LMO7: variants seen among roughly 807,000 people sequenced by gnomAD.
The protein encoded by LMO7 is LIM domain only protein 7.
In LMO7, 120 loss-of-function variants were observed where a neutral mutation model predicts 206.5. The ratio of observed to expected loss-of-function variants is 0.58; its 90% CI spans 0.50 to 0.68. The LOEUF (loss-of-function observed/expected upper bound fraction) is 0.68, where lower values mean the gene tolerates loss of function less well. LMO7 is among the 30% of genes least tolerant of loss of function. The probability of loss-of-function intolerance (pLI) is 0.00; values close to 1 mark genes in which losing one functional copy is unlikely to be tolerated. For synonymous variants in LMO7, 706 were observed against 681.5 expected (o/e 1.04, Z -0.56); for missense variants, 1,959 against 1,957.9 (o/e 1.00, Z -0.01).
At chr13:75,739,712 GGTT>G (rs1442622775) in intron 3 of LMO7, among the ~76,000 whole-genome samples, 2 of 152,136 alleles carry the variant, frequency 1.3e-5, no homozygotes, top group Non-Finnish European at 2.9e-5. Flanking sequence ...TGACACATCG[GGTT>G]GTTCCTTTCC....
chr13:75,677,251 T>G (rs1385505723), intron 1 of LMO7, among the ~76,000 whole-genome samples: 2 of 152,228 alleles, frequency 1.3e-5, no homozygotes, highest in African/African-American at 4.8e-5. Flanking sequence ...AGTGGAGTTT[T>G]ATTTACTTTA....
At chr13:75,627,953 G>T (rs2034428631) in intron 2 of LMO7, 1 of 65,362 alleles carries the variant, frequency 1.5e-5, no homozygotes, top group African/African-American at 4.9e-5. Flanking sequence ...CCCTCTACTT[G>T]TTAAAAAAAA....
At chr13:75,828,251 A>G (rs1243195414) in intron 15 of LMO7, among the ~76,000 whole-genome samples, 1 of 152,216 alleles carries the variant, frequency 6.6e-6, no homozygotes, top group Admixed American at 6.5e-5. Flanking sequence ...AATTATCTCA[A>G]TAACTCTGCA....
intron 1 of LMO7, among the ~76,000 whole-genome samples, chr13:75,699,217 G>A (rs1566322726): frequency 1.3e-5 from 2 of 152,246 alleles, no homozygotes; most frequent in East Asian, 3.9e-4. Context: ...TGAAACTGAG[G>A]AAAGTACCAA....
intron 1 of LMO7, among the ~76,000 whole-genome samples, chr13:75,640,444 T>C (rs1448494353): frequency 6.6e-6 from 1 of 152,226 alleles, no homozygotes; most frequent in Non-Finnish European, 1.5e-5. Context: ...ATACTTGTTA[T>C]TCCTTGTAAC....
At chr13:75,741,739 T>C (rs1437302039) in intron 3 of LMO7, among the ~76,000 whole-genome samples, 1 of 152,142 alleles carries the variant, frequency 6.6e-6, no homozygotes, top group Non-Finnish European at 1.5e-5. Context: ...CTCAAAATAA[T>C]AAGAGCCATC....
chr13:75,705,614 A>G, intron 1 of LMO7, among the ~76,000 whole-genome samples: 1 of 152,252 alleles, frequency 6.6e-6, no homozygotes, highest in South Asian at 2.1e-4. Context: ...TCACAACAGC[A>G]TTACGTGAAA....
At chr13:75,850,390 A>G (rs1267601205) in intron 27 of LMO7, among the ~76,000 whole-genome samples, 1 of 152,146 alleles carries the variant, frequency 6.6e-6, no homozygotes, top group Non-Finnish European at 1.5e-5. Context: ...AGTTTCTAGC[A>G]CTCTATCTTC....
At chr13:75,709,856 G>T (rs1481458913) in intron 1 of LMO7, among the ~76,000 whole-genome samples, 2 of 152,032 alleles carry the variant, frequency 1.3e-5, no homozygotes, top group African/African-American at 4.8e-5. Context: ...TGGTGTTTTA[G>T]ACATGAAGTC....
At chr13:75,725,545 C>A (rs2044399591) in intron 2 of LMO7, among the ~76,000 whole-genome samples, 1 of 152,020 alleles carries the variant, frequency 6.6e-6, no homozygotes, top group African/African-American at 2.4e-5. Flanking sequence ...TAATAGGGAA[C>A]AACTAGAAGA....
intron 1 of LMO7, among the ~76,000 whole-genome samples, chr13:75,712,561 T>C (rs935811129): frequency 6.6e-6 from 1 of 152,198 alleles, no homozygotes; most frequent in Non-Finnish European, 1.5e-5. Flanking sequence ...ATTCCTTAAG[T>C]TGGGAATTGT....
chr13:75,697,314 A>T (rs2041976833), intron 1 of LMO7, among the ~76,000 whole-genome samples: 1 of 152,192 alleles, frequency 6.6e-6, no homozygotes, highest in Non-Finnish European at 1.5e-5. Context: ...TTTATAAAGG[A>T]AAGAGGTTTA....
intron 1 of LMO7, among the ~76,000 whole-genome samples, chr13:75,673,001 A>C (rs948467501): frequency 6.6e-6 from 1 of 151,920 alleles, no homozygotes; most frequent in African/African-American, 2.4e-5. Flanking sequence ...TTTTTCTTTT[A>C]TGATTTCTGG....
intron 4 of LMO7, among the ~76,000 whole-genome samples, chr13:75,776,816 G>T (rs750283736): frequency 5.3e-5 from 8 of 152,140 alleles, no homozygotes; most frequent in Non-Finnish European, 1.2e-4. Flanking sequence ...AGCCTCTCTA[G>T]GGACACTAGT....
intron 16 of LMO7, 118 bp downstream of exon 16, chr13:75,833,283 AC>A: frequency 1.5e-6 from 1 of 661,240 alleles, no homozygotes; most frequent in Non-Finnish European, 2.8e-6. Context: ...GAAAAATGCA[AC>A]CATAAGGCCA....
chr13:75,731,539 G>T (rs560030777), intron 3 of LMO7, among the ~76,000 whole-genome samples: 1 of 152,090 alleles, frequency 6.6e-6, no homozygotes, highest in South Asian at 2.1e-4. Flanking sequence ...ATGTGAGATG[G>T]GTTTCCTGAA....
intron 1 of LMO7, among the ~76,000 whole-genome samples, chr13:75,680,350 A>G (rs2040371035): frequency 6.6e-6 from 1 of 152,240 alleles, no homozygotes; most frequent in African/African-American, 2.4e-5. Context: ...ACAGTGCTGC[A>G]GTGAACATAT....
At chr13:75,828,541 T>C (rs2058344412) in intron 15 of LMO7, among the ~76,000 whole-genome samples, 2 of 152,176 alleles carry the variant, frequency 1.3e-5, no homozygotes, top group African/African-American at 4.8e-5. Flanking sequence ...TGAAACCATT[T>C]TGAGGAAAGG....
At chr13:75,649,207 A>G (rs1372245761) in intron 1 of LMO7, among the ~76,000 whole-genome samples, 3 of 152,192 alleles carry the variant, frequency 2.0e-5, no homozygotes, top group African/African-American at 7.2e-5. Flanking sequence ...TTTTTTAAAA[A>G]TGTCCCATCA....
Sources: gnomAD v4.1 joint callset for allele counts (sites outside exome capture counted in the v4.1 genomes callset) on GRCh38, gnomAD v4.1.1 for gene constraint, MANE v1.5 for transcripts, NCBI Gene and HGNC (gene_info 2026-07-23, HGNC 2026-07-21) for gene names.